RPGR: variants seen among roughly 807,000 people sequenced by gnomAD.
RPGR encodes retinitis pigmentosa GTPase regulator.
In RPGR, 10 loss-of-function variants were observed where a neutral mutation model predicts 56.3. That is an observed-to-expected ratio of 0.18 (90% CI 0.11 to 0.30). RPGR has a LOEUF of 0.30. RPGR is among the 10% of genes least tolerant of loss of function. The pLI is 1.00. For missense variants in RPGR, 538 were observed against 590.9 expected (o/e 0.91, Z 0.93); for synonymous variants, 197 against 212.9 (o/e 0.93, Z 0.65).
In RPGR at chrX:38,276,633, C is replaced by G. The variant is rs760267187; in HGVS notation, c.2045G>C (p.Gly682Ala). ...GCTATCATCATTGGTTCTTTCTGCT[C>G]CTTCTGTTTTACTGTGATAACCTGT... The change falls in exon 16 of 19, where the codon GGA (glycine) becomes GCA (alanine). Residue 682 changes from glycine (G) to alanine (A), a missense_variant. Physicochemically the swap from Gly to Ala is moderately conservative, Grantham distance 60. This residue lies in a region of RPGR where 357 missense variants were observed against 325.8 expected (regional missense o/e 1.10). Transcript: ENST00000642395. The G allele has an allele frequency of 8.3e-7, 1 of 1,211,119 alleles. No individual in the cohort carries two copies. The highest frequency in any genetic ancestry group is 1.1e-6 in the Non-Finnish European group (1 of 895,191).
At chrX:38,281,137 C>A (rs1601910717) in intron 15 of RPGR, among the ~76,000 whole-genome samples, 1 of 112,530 alleles carries the variant, frequency 8.9e-6, no homozygotes, top group Non-Finnish European at 1.9e-5. Flanking sequence ...ATCTTGCTGG[C>A]GAGCATTTTT....
chrX:38,303,811 G>A, intron 8 of RPGR: 1 of 296,686 alleles, frequency 3.4e-6, no homozygotes, highest in Non-Finnish European at 5.9e-6. Context: ...TTTCATAGCA[G>A]TAGCTTTTTC....
At chrX:38,320,979 C>T (rs766718878) in intron 4 of RPGR, 48 bp downstream of exon 4, 15 of 963,848 alleles carry the variant, frequency 1.6e-5, no homozygotes, top group Admixed American at 4.4e-5. Context: ...GGAATGAGAC[C>T]TCAGTTCTCA....
intron 6 of RPGR, among the ~76,000 whole-genome samples, chrX:38,313,266 TCTG>T (rs966909642): frequency 3.6e-5 from 4 of 111,641 alleles, no homozygotes; most frequent in Non-Finnish European, 5.6e-5. Context: ...CACGTAAGAC[TCTG>T]CTATCAAATG....
chrX:38,317,282 G>A (rs374356967), intron 6 of RPGR, 34 bp downstream of exon 6: 83 of 1,158,471 alleles, frequency 7.2e-5, no homozygotes, highest in Non-Finnish European at 9.5e-5. Flanking sequence ...CATAGAAGTG[G>A]GAGATAACAT....
At chrX:38,302,826 T>TTTTTTTTTTTG in intron 8 of RPGR, among the ~76,000 whole-genome samples, 1 of 105,622 alleles carries the variant, frequency 9.5e-6, no homozygotes, top group Non-Finnish European at 2.0e-5. Flanking sequence ...TCTTTTTTTT[T>TTTTTTTTTTTG]TTGAGATGGG....
intron 7 of RPGR, among the ~76,000 whole-genome samples, chrX:38,306,372 T>G (rs962261932): frequency 1.8e-5 from 2 of 112,453 alleles, no homozygotes; most frequent in Non-Finnish European, 3.8e-5. Flanking sequence ...CATACTGTTG[T>G]AAAGAACATT....
At chrX:38,283,824 T>G (rs2067076153) in intron 15 of RPGR, among the ~76,000 whole-genome samples, 2 of 111,899 alleles carry the variant, frequency 1.8e-5, no homozygotes, top group Admixed American at 1.9e-4. Flanking sequence ...TCCCTGGAGG[T>G]TTTTTTCTTT....
chrX:38,305,948 T>C (rs1389634377), intron 7 of RPGR, among the ~76,000 whole-genome samples: 5 of 111,182 alleles, frequency 4.5e-5, no homozygotes, highest in African/African-American at 1.6e-4. Context: ...CTTTTCTTTA[T>C]ATTGATATTT....
At position 38,275,085 on chromosome X, in the gene RPGR, A is replaced by C. The variant is rs945212131; in HGVS notation, c.2149+4T>G. ...TATATGTATGTTATCAAATGTGCTC[A>C]TACCTTTTGGGTTTTCATTGTACTC... On this transcript the variant is annotated splice_donor_region_variant and intron_variant, in intron 17 of 18. Transcript: ENST00000642395. 1 of 1,204,884 alleles carries C rather than the reference A, an allele frequency of 8.3e-7. No individual in the cohort carries two copies. The highest frequency in any genetic ancestry group is 2.3e-4 in the Middle Eastern group (1 of 4,316).
At chrX:38,290,851 T>G (rs924800523) in intron 13 of RPGR, 108 bp downstream of exon 13, 2 of 269,955 alleles carry the variant, frequency 7.4e-6, no homozygotes, top group African/African-American at 5.6e-5. Context: ...TTTTAAATTC[T>G]AAAGTAAGTA....
chrX:38,319,096 T>C (rs1340092492), intron 4 of RPGR, 109 bp from the exon 5 acceptor site: 2 of 794,697 alleles, frequency 2.5e-6, no homozygotes, highest in Non-Finnish European at 3.7e-6. Flanking sequence ...AGTTGAAAGC[T>C]ATCACTATCC....
At chrX:38,283,760 A>T (rs888464462) in intron 15 of RPGR, among the ~76,000 whole-genome samples, 5 of 112,248 alleles carry the variant, frequency 4.5e-5, no homozygotes, top group African/African-American at 1.6e-4. Context: ...CTTCAGTAGA[A>T]GATGAATGCT....
chrX:38,323,338 A>G, intron 2 of RPGR, 61 bp downstream of exon 2: 1 of 1,013,912 alleles, frequency 9.9e-7, no homozygotes, highest in South Asian at 2.0e-5. Flanking sequence ...CAGCATATCT[A>G]TAACAAAATA....
chrX:38,287,437 C>T, intron 14 of RPGR, 192 bp from the exon 15 acceptor site: 2 of 646,234 alleles, frequency 3.1e-6, no homozygotes, highest in Non-Finnish European at 5.1e-6. Context: ...ATCAGCTATA[C>T]CCTGTTGACT....
In RPGR at chrX:38,269,827, A is replaced by G. The variant is rs1302034220; in HGVS notation, c.2247T>C (p.Phe749=). Residue 749 remains phenylalanine, a synonymous_variant, in exon 19 of 19, where the codon TTT becomes TTC. Transcript: ENST00000642395. ...TTATTGAGGGGACTCTTTTGAACAG[A>G]AAAATCTAGGAAAAAAACCACACAC... The G allele has an allele frequency of 8.4e-7, 1 of 1,189,909 alleles. No individual in the cohort carries two copies. The highest frequency in any genetic ancestry group is 3.0e-5 in the East Asian group (1 of 33,743).
intron 15 of RPGR, among the ~76,000 whole-genome samples, chrX:38,281,588 T>G (rs538136972): frequency 1.9e-4 from 21 of 112,634 alleles, no homozygotes; most frequent in African/African-American, 6.8e-4. Flanking sequence ...TTCATGAGTG[T>G]AGCTTTGCAC....
chrX:38,322,928 T>C lies in RPGR; in HGVS notation c.172A>G (p.Met58Val). The C allele has an allele frequency of 8.3e-7, 1 of 1,204,839 alleles. No individual in the cohort carries two copies. Among genetic ancestry groups the C allele is most frequent in the Admixed American group, 2.2e-5 (1 of 46,018 alleles). The stretch of plus-strand genomic sequence containing the variant: ...TGACCCCAGTTGTTACTGCCAAACA[T>C]GTAAAGTTTATTATTTCCTGGTAGG... Residue 58 changes from methionine to valine, a missense_variant, in exon 3 of 19, where the codon ATG becomes GTG. Around this residue, in one of 2 missense-constraint regions of RPGR, gnomAD observed 181 missense variants for 265.1 expected, o/e 0.68. Coordinates refer to ENST00000642395, the MANE Select transcript of RPGR (RefSeq NM_000328.3).
At chrX:38,298,822 C>T in intron 10 of RPGR, 134 bp downstream of exon 10, 1 of 672,792 alleles carries the variant, frequency 1.5e-6, no homozygotes, top group Non-Finnish European at 2.2e-6. Context: ...TTTGTTAGCA[C>T]TCAACTCTAA....
Sources: gnomAD v4.1 joint callset for allele counts (sites outside exome capture counted in the v4.1 genomes callset) on GRCh38, gnomAD v4.1.1 for gene constraint, gnomAD v4.1.1 regional missense constraint, MANE v1.5 for transcripts, NCBI Gene and HGNC (gene_info 2026-07-23, HGNC 2026-07-21) for gene names.